LINGO2: variants seen among roughly 807,000 people sequenced by gnomAD.
LINGO2 encodes the protein leucine rich repeat and Ig domain containing 2.
A neutral mutation model predicts 30.6 loss-of-function variants in LINGO2; 14 were observed. The ratio of observed to expected loss-of-function variants is 0.46; its 90% confidence interval spans 0.30 to 0.72. The LOEUF (loss-of-function observed/expected upper bound fraction) is 0.72. Ranked by LOEUF, LINGO2 falls within the 30% of genes least tolerant of loss-of-function variation. The probability of loss-of-function intolerance (pLI) is 0.07; values close to 1 mark genes in which losing one functional copy is unlikely to be tolerated. For synonymous variants in LINGO2, 317 were observed against 288.5 expected (o/e 1.10, Z -1.00); for missense variants, 729 against 751.7 (o/e 0.97, Z 0.35).
the LINGO2 span, among the ~76,000 whole-genome samples, chr9:29,168,184 A>T: frequency 1.3e-5 from 2 of 152,030 alleles, no homozygotes; most frequent in Non-Finnish European, 2.9e-5. Flanking sequence ...AATTTTTTAG[A>T]CCTGTTTCCT....
At chr9:28,682,037 C>A in the LINGO2 span, among the ~76,000 whole-genome samples, 1 of 152,106 alleles carries the variant, frequency 6.6e-6, no homozygotes, top group African/African-American at 2.4e-5. Context: ...GCTTCCAGAT[C>A]CTACATAGTA....
At chr9:28,767,679 G>T in the LINGO2 span, among the ~76,000 whole-genome samples, 1 of 151,608 alleles carries the variant, frequency 6.6e-6, no homozygotes, top group Non-Finnish European at 1.5e-5. Context: ...CCAGCTACTG[G>T]GGAGGCTGAG....
intron 2 of LINGO2, among the ~76,000 whole-genome samples, chr9:28,393,506 T>A (rs1821918204): frequency 1.3e-5 from 2 of 152,218 alleles, no homozygotes; most frequent in South Asian, 4.1e-4. Flanking sequence ...CAATGAAAAC[T>A]TCAAATTTTA....
At chr9:28,858,552 C>G in the LINGO2 span, among the ~76,000 whole-genome samples, 1 of 151,996 alleles carries the variant, frequency 6.6e-6, no homozygotes, top group African/African-American at 2.4e-5. Flanking sequence ...TTCTGTCCCC[C>G]CGTCGCAGCT....
chr9:28,843,152 A>C, the LINGO2 span, among the ~76,000 whole-genome samples: 12 of 151,994 alleles, frequency 7.9e-5, 1 homozygote, highest in South Asian at 2.5e-3. Flanking sequence ...TATATGCAAT[A>C]ACTTAAAATA....
intron 5 of LINGO2, among the ~76,000 whole-genome samples, chr9:27,959,313 C>G (rs1350548749): frequency 6.6e-6 from 1 of 151,892 alleles, no homozygotes; most frequent in Non-Finnish European, 1.5e-5. Flanking sequence ...TGTCTTCAGT[C>G]CAGTCTTTTA....
chr9:28,868,497 T>G, the LINGO2 span, among the ~76,000 whole-genome samples: 1 of 152,132 alleles, frequency 6.6e-6, no homozygotes, highest in Non-Finnish European at 1.5e-5. Flanking sequence ...GAAAGTGGCA[T>G]CATGGGTAAT....
chr9:28,427,654 T>C (rs74710228), intron 2 of LINGO2, among the ~76,000 whole-genome samples: 1,835 of 152,302 alleles, frequency 0.012, 39 homozygotes, highest in African/African-American at 0.04. Flanking sequence ...AATAATTTTA[T>C]GCTCCTATTC....
intron 5 of LINGO2, among the ~76,000 whole-genome samples, chr9:27,985,711 GA>G (rs1250295493): frequency 6.6e-6 from 1 of 150,472 alleles, no homozygotes; most frequent in East Asian, 2.0e-4. Context: ...CTGGCTGAGA[GA>G]AAAAGGTAGC....
intron 4 of LINGO2, among the ~76,000 whole-genome samples, chr9:28,029,714 G>C (rs1313310996): frequency 1.3e-5 from 2 of 152,146 alleles, no homozygotes; most frequent in Admixed American, 6.5e-5. Context: ...AAAATTGTTA[G>C]CTCTTTTAGA....
chr9:28,260,989 A>G (rs1822544769), intron 4 of LINGO2, among the ~76,000 whole-genome samples: 1 of 151,974 alleles, frequency 6.6e-6, no homozygotes, highest in Non-Finnish European at 1.5e-5. Context: ...GATTTAATGT[A>G]CCCGTATAAG....
At chr9:28,848,397 G>GTATATATATATATATATATA in the LINGO2 span, among the ~76,000 whole-genome samples, 1 of 48,420 alleles carries the variant, frequency 2.1e-5, no homozygotes. Flanking sequence ...GTGTGTGTGT[G>GTATATATATATATATATATA]TATATATATA....
intron 1 of LINGO2, among the ~76,000 whole-genome samples, chr9:28,608,896 G>A (rs903186337): frequency 7.2e-5 from 11 of 151,858 alleles, no homozygotes; most frequent in Non-Finnish European, 1.6e-4. Flanking sequence ...GAGTTCATTT[G>A]TACATTCCTG....
chr9:29,096,956 ATAC>A, the LINGO2 span, among the ~76,000 whole-genome samples: 1 of 139,606 alleles, frequency 7.2e-6, no homozygotes, highest in Non-Finnish European at 1.6e-5. Flanking sequence ...TTCAAAATGA[ATAC>A]TACAGATAGG....
the LINGO2 span, among the ~76,000 whole-genome samples, chr9:29,026,629 C>T: frequency 6.6e-6 from 1 of 151,870 alleles, no homozygotes; most frequent in African/African-American, 2.4e-5. Flanking sequence ...AAGAAAATAT[C>T]CAAAAATATT....
the LINGO2 span, among the ~76,000 whole-genome samples, chr9:28,854,928 A>G: frequency 1.3e-5 from 2 of 152,056 alleles, no homozygotes; most frequent in Non-Finnish European, 2.9e-5. Context: ...ATTAAATTGC[A>G]AACAGAACTT....
intron 4 of LINGO2, among the ~76,000 whole-genome samples, chr9:28,081,598 C>A (rs769600847): frequency 6.6e-6 from 1 of 152,306 alleles, no homozygotes; most frequent in East Asian, 1.9e-4. Flanking sequence ...GGATAGAGAA[C>A]GAGCTATATT....
At chr9:28,003,180 G>A (rs987423358) in intron 5 of LINGO2, among the ~76,000 whole-genome samples, 1 of 152,150 alleles carries the variant, frequency 6.6e-6, no homozygotes, top group Non-Finnish European at 1.5e-5. Flanking sequence ...CTTTTGGACT[G>A]CATGGTGGTA....
chr9:28,123,733 G>A (rs772042393), intron 4 of LINGO2, among the ~76,000 whole-genome samples: 7 of 151,534 alleles, frequency 4.6e-5, no homozygotes, highest in African/African-American at 9.7e-5. Flanking sequence ...GCGTGATCTC[G>A]GCTCACTGCA....
Sources: gnomAD v4.1 joint callset for allele counts (sites outside exome capture counted in the v4.1 genomes callset) on GRCh38, gnomAD v4.1.1 for gene constraint, MANE v1.5 for transcripts, NCBI Gene and HGNC (gene_info 2026-07-23, HGNC 2026-07-21) for gene names.